MED30: variants seen among roughly 807,000 people sequenced by gnomAD.
MED30 encodes the protein mediator complex subunit 30, also known as mediator of RNA polymerase II transcription subunit 30.
MED30 carries 8 observed loss-of-function variants against 21.7 expected under a neutral mutation model. The ratio of observed to expected loss-of-function variants is 0.37; its 90% CI spans 0.22 to 0.67. MED30 has a LOEUF of 0.67. MED30 is among the 30% of genes least tolerant of loss of function. The pLI, the probability that MED30 is intolerant of heterozygous loss-of-function variation, is 0.58. For missense variants in MED30, 203 were observed against 228.2 expected (o/e 0.89, Z 0.71); for synonymous variants, 79 against 86.7 (o/e 0.91, Z 0.49).
intron 1 of MED30, among the ~76,000 whole-genome samples, chr8:117,525,698 A>G (rs1465922435): frequency 2.6e-5 from 4 of 152,250 alleles, no homozygotes; most frequent in Middle Eastern, 6.8e-3. Context: ...AGGTTCACTG[A>G]ATAATTCACT....
At chr8:117,536,628 G>T (rs1322164567) in intron 3 of MED30, among the ~76,000 whole-genome samples, 1 of 152,196 alleles carries the variant, frequency 6.6e-6, no homozygotes, top group East Asian at 1.9e-4. Context: ...GAAACTTTGA[G>T]GCACATGATT....
intron 3 of MED30, among the ~76,000 whole-genome samples, chr8:117,537,975 A>G (rs1036682586): frequency 3.3e-5 from 5 of 152,176 alleles, no homozygotes; most frequent in Non-Finnish European, 7.3e-5. Context: ...CAGCCTCCCA[A>G]TATAGCACTT....
In MED30 at chr8:117,526,519, A is replaced by T. The variant is rs115382061; in HGVS notation, c.178-2132A>T. Reference sequence around the variant, plus strand: ...TTAAATGGGTGTTGAATTTAGTTGAATGCCTTCTTGGTGTCTATGGATACG... The same window carrying T: ...TTAAATGGGTGTTGAATTTAGTTGATTGCCTTCTTGGTGTCTATGGATACG... On this transcript the variant is annotated intron_variant, in intron 1 of 3. Coordinates refer to ENST00000297347, the MANE Select transcript of MED30 (RefSeq NM_080651.4). Among the ~76,000 whole-genome samples the T allele has an allele frequency of 6.9e-3, 1,051 of 152,030 alleles. 14 individuals are homozygous for T. The highest frequency in any genetic ancestry group is 0.024 in the African/African-American group (997 of 41,494).
At chr8:117,525,956 G>A (rs115575451) in intron 1 of MED30, among the ~76,000 whole-genome samples, 1,615 of 151,998 alleles carry the variant, frequency 0.011, 35 homozygotes, top group African/African-American at 0.037. Context: ...AGGTCCGTTC[G>A]GCCTAGAAAG....
chr8:117,530,578 T>C (rs1586863315), intron 2 of MED30, 145 bp from the exon 3 acceptor site: 2 of 576,176 alleles, frequency 3.5e-6, no homozygotes, highest in Non-Finnish European at 3.0e-6. Context: ...ATTAAAGCTC[T>C]TATTTCAGGC....
intron 3 of MED30, among the ~76,000 whole-genome samples, chr8:117,534,850 G>GTT (rs3040827): frequency 1.2e-3 from 150 of 121,038 alleles, no homozygotes; most frequent in East Asian, 5.1e-3. Context: ...CAAACAAATT[G>GTT]TTTTTTTTTT....
chr8:117,537,179 T>C (rs2130819458), intron 3 of MED30, among the ~76,000 whole-genome samples: 1 of 152,374 alleles, frequency 6.6e-6, no homozygotes, highest in East Asian at 1.9e-4. Context: ...TTGTCAAGTG[T>C]CACAGCTTTT....
At position 117,525,061 on chromosome 8, in the gene MED30, C is replaced by T. The variant is rs111485667; in HGVS notation, c.178-3590C>T. Reference sequence around the variant, plus strand: ...AAATAACCTCCTACACAAATTTGCACGTATACCTGTCGGATACGTTTTTAG... The same window carrying T: ...AAATAACCTCCTACACAAATTTGCATGTATACCTGTCGGATACGTTTTTAG... On this transcript the variant is annotated intron_variant, in intron 1 of 3. Transcript: ENST00000297347. 2.4e-3 allele frequency among the ~76,000 whole-genome samples: 362 copies of T among 152,222 alleles called. 1 individual carries two copies. Among genetic ancestry groups the T allele is most frequent in the African/African-American group, 8.3e-3 (343 of 41,560 alleles).
At chr8:117,525,218 G>A (rs1818700373) in intron 1 of MED30, among the ~76,000 whole-genome samples, 1 of 152,014 alleles carries the variant, frequency 6.6e-6, no homozygotes, top group African/African-American at 2.4e-5. Flanking sequence ...TCACTTGATA[G>A]GTGAAAATTC....
At chr8:117,526,297 T>G (rs1416112134) in intron 1 of MED30, among the ~76,000 whole-genome samples, 1 of 152,102 alleles carries the variant, frequency 6.6e-6, no homozygotes, top group Non-Finnish European at 1.5e-5. Context: ...CTCTTTCTTC[T>G]CTAATTGCAT....
intron 1 of MED30, among the ~76,000 whole-genome samples, chr8:117,526,452 GTCACATA>G (rs1254730218): frequency 7.9e-5 from 12 of 151,872 alleles, no homozygotes; most frequent in Non-Finnish European, 8.8e-5. Flanking sequence ...AATGTATGTT[GTCACATA>G]TTGAGGATTT....
rs371641393 is a variant in MED30 at position 117,523,559 on chromosome 8, A to G, written c.177+2506A>G. The G allele has an allele frequency of 1.6e-4, 249 of 1,601,420 alleles. No individual in the cohort carries two copies. In the African/African-American group the frequency reaches 2.8e-3, roughly 18 times the overall value. Reference sequence around the variant, plus strand: ...ATACCCTCATTGGTAAGGTACCAGTAGAAATGTCTCCAGGCAAACTGTTCC... The same window carrying G: ...ATACCCTCATTGGTAAGGTACCAGTGGAAATGTCTCCAGGCAAACTGTTCC... On this transcript the variant is annotated intron_variant, in intron 1 of 3. Coordinates refer to ENST00000297347, the MANE Select transcript of MED30 (RefSeq NM_080651.4).
intron 1 of MED30, among the ~76,000 whole-genome samples, chr8:117,522,899 C>T (rs1020070632): frequency 6.6e-6 from 1 of 152,140 alleles, no homozygotes; most frequent in African/African-American, 2.4e-5. Flanking sequence ...TAATACCTAA[C>T]ACTTACGAAG....
In MED30 at chr8:117,521,145, G is replaced by C. The variant is rs1818610273; in HGVS notation, c.177+92G>C. 3 of 1,262,018 alleles carry C rather than the reference G, an allele frequency of 2.4e-6. No homozygotes were observed. The South Asian group carries it at 4.6e-5, about 19-fold the overall frequency. The allele number at this position is 1,262,018 out of a possible 1,614,324, so 78.2% of individuals were successfully genotyped here. A position where few individuals can be genotyped will look rare whatever the true frequency, so the allele number is the denominator to read the frequency against. ...TTACGTGGGGCCCGTGGATGTCATC[G>C]GGGCTGCCCTGGGCAAACCTTAGGT... On this transcript the variant is annotated intron_variant, in intron 1 of 3. Transcript: ENST00000297347.
In MED30 at chr8:117,540,051, A is replaced by G; in HGVS notation, c.*73A>G. The G allele has an allele frequency of 1.2e-6, 1 of 826,794 alleles. No individual in the cohort carries two copies. Among genetic ancestry groups the G allele is most frequent in the Non-Finnish European group, 1.8e-6 (1 of 549,828 alleles). 51.2% of individuals were successfully genotyped at this position (826,794 alleles called of 1,614,324 possible). On this transcript the variant is annotated 3_prime_UTR_variant, in exon 4 of 4. Transcript: ENST00000297347. ...TCCCTCAAGTATTTTTTCCCTGTGA[A>G]GAAGATTATTTATCTGCTTTTATTT...
At chr8:117,537,831 T>C (rs1015045300) in intron 3 of MED30, among the ~76,000 whole-genome samples, 6 of 152,176 alleles carry the variant, frequency 3.9e-5, no homozygotes, top group African/African-American at 1.4e-4. Context: ...TATGTATGGG[T>C]ATGCAGAAAG....
chr8:117,521,173 A>C (rs910783595), intron 1 of MED30, 120 bp downstream of exon 1: 1 of 920,128 alleles, frequency 1.1e-6, no homozygotes. Flanking sequence ...CCTTAGGTGT[A>C]GGGTCTCCCC....
In MED30 at chr8:117,539,986, T is replaced by A. The variant is rs767027861; in HGVS notation, c.*8T>A. 3 of 1,539,854 alleles carry A rather than the reference T, an allele frequency of 1.9e-6. No homozygotes were observed. In the East Asian group the frequency reaches 6.9e-5, roughly 35 times the overall value. ...TTGGCAATGAGGAACTAAGCTGATA[T>A]TTAAATTTCCTGCTTTACACATGTT... On this transcript the variant is annotated 3_prime_UTR_variant, in exon 4 of 4. Coordinates refer to ENST00000297347, the MANE Select transcript of MED30 (RefSeq NM_080651.4).
At chr8:117,534,869 A>G (rs372985201) in intron 3 of MED30, among the ~76,000 whole-genome samples, 1 of 43,344 alleles carries the variant, frequency 2.3e-5, no homozygotes, top group Non-Finnish European at 5.5e-5. Flanking sequence ...TTTTTTTTTT[A>G]CCAAAAGGGC....
Sources: allele counts gnomAD v4.1 joint callset (sites outside exome capture counted in the v4.1 genomes callset), GRCh38; gene constraint gnomAD v4.1.1; transcripts MANE v1.5; gene names NCBI Gene and HGNC (gene_info 2026-07-23, HGNC 2026-07-21).